KAZN: variants seen among roughly 807,000 people sequenced by gnomAD.
KAZN encodes kazrin, periplakin interacting protein.
KAZN carries 40 observed loss-of-function variants against 87.4 expected under a neutral mutation model. That is an observed-to-expected ratio of 0.46 (90% CI 0.36 to 0.60). KAZN has a LOEUF of 0.60. Ranked by LOEUF, KAZN falls within the 20% of genes least tolerant of loss-of-function variation. KAZN has a pLI of 0.00. For synonymous variants in KAZN, 466 were observed against 458.3 expected (o/e 1.02, Z -0.22); for missense variants, 898 against 1,073.9 (o/e 0.84, Z 2.29).
intron 2 of KAZN, among the ~76,000 whole-genome samples, chr1:14,466,764 G>T (rs12057456): frequency 4.9e-4 from 75 of 151,902 alleles, no homozygotes; most frequent in Middle Eastern, 3.4e-3. Context: ...GTCAGGAGAT[G>T]GAGACCATCC....
At chr1:14,854,624 C>T (rs901802836) in intron 1 of KAZN, among the ~76,000 whole-genome samples, 1 of 152,140 alleles carries the variant, frequency 6.6e-6, no homozygotes, top group Non-Finnish European at 1.5e-5. Flanking sequence ...AATCCAGTCT[C>T]ACCAGAGTGA....
intron 1 of KAZN, among the ~76,000 whole-genome samples, chr1:13,909,491 A>T (rs2100863246): frequency 6.6e-6 from 1 of 152,118 alleles, no homozygotes; most frequent in Non-Finnish European, 1.5e-5. Flanking sequence ...ATCTGCCTGG[A>T]TATGTTCTAT....
chr1:14,125,930 C>T (rs1301712228), intron 1 of KAZN, among the ~76,000 whole-genome samples: 3 of 129,928 alleles, frequency 2.3e-5, no homozygotes, highest in East Asian at 2.3e-4. Flanking sequence ...ACTGCAGCCT[C>T]CGTCAGTAAG....
At chr1:14,421,978 C>T (rs768989599) in intron 2 of KAZN, among the ~76,000 whole-genome samples, 9 of 152,198 alleles carry the variant, frequency 5.9e-5, no homozygotes, top group Non-Finnish European at 8.8e-5. Context: ...TCATCTTCCA[C>T]GCCAATGTCA....
chr1:14,468,516 A>C (rs1668282715), intron 2 of KAZN, among the ~76,000 whole-genome samples: 1 of 152,168 alleles, frequency 6.6e-6, no homozygotes, highest in Admixed American at 6.5e-5. Context: ...ACAGTCCCAG[A>C]ACCTAGGGTC....
At chr1:15,008,626 G>A (rs1190489760) in intron 2 of KAZN, among the ~76,000 whole-genome samples, 1 of 152,184 alleles carries the variant, frequency 6.6e-6, no homozygotes, top group Admixed American at 6.5e-5. Context: ...TATGTGACCT[G>A]CACAGGTGCC....
chr1:14,853,272 G>C (rs569969183), intron 1 of KAZN, among the ~76,000 whole-genome samples: 7 of 152,278 alleles, frequency 4.6e-5, no homozygotes, highest in Admixed American at 4.6e-4. Flanking sequence ...CCAGGGCAGA[G>C]GGGCACAGAG....
intron 1 of KAZN, among the ~76,000 whole-genome samples, chr1:14,010,076 C>A (rs116249945): frequency 1.8e-4 from 28 of 152,312 alleles, no homozygotes; most frequent in Non-Finnish European, 3.8e-4. Flanking sequence ...TCAGTATCAT[C>A]TGTGCTATTA....
chr1:15,103,393 A>T lies in KAZN; in HGVS notation c.1814A>T (p.Gln605Leu). ...LQERRARCET[Q>L]NIDPVVWTNQ... ...GAGCGCCGGGCCCGCTGCGAGACGCAGAACATTGACCCCGTGGTGTGGACC... is the reference window on the plus strand; with the variant it reads ...GAGCGCCGGGCCCGCTGCGAGACGCTGAACATTGACCCCGTGGTGTGGACC... Residue 605 changes from glutamine to leucine, a missense_variant, in exon 12 of 15, where the codon CAG becomes CTG. Gln to Leu is a moderately radical substitution (Grantham distance 113, BLOSUM62 -2). Around this residue, in one of 3 missense-constraint regions of KAZN, gnomAD observed 521 missense variants for 689.4 expected, o/e 0.76. Coordinates refer to ENST00000376030, the MANE Select transcript of KAZN (RefSeq NM_201628.3). 6.4e-7 allele frequency: 1 copy of T among 1,552,212 alleles called. No homozygotes were observed. The highest frequency in any genetic ancestry group is 8.7e-7 in the Non-Finnish European group (1 of 1,147,272).
At chr1:14,154,497 G>C (rs759397657) in intron 1 of KAZN, among the ~76,000 whole-genome samples, 1 of 151,708 alleles carries the variant, frequency 6.6e-6, no homozygotes, top group Non-Finnish European at 1.5e-5. Flanking sequence ...TTTCTTTCTT[G>C]TCTGATTGCT....
Position 14,740,003 on chromosome 1 carries a change from G to A in KAZN, c.226+140780G>A, listed in dbSNP as rs533000829. On this transcript the variant is annotated intron_variant, in intron 1 of 14. Coordinates refer to ENST00000376030, the MANE Select transcript of KAZN (RefSeq NM_201628.3). Reference sequence around the variant, plus strand: ...GCATTTGCTGAGCAGTTGAGAACGGGGGAAAGAAGGAGTCCTTTCCTTTCT... The same window carrying A: ...GCATTTGCTGAGCAGTTGAGAACGGAGGAAAGAAGGAGTCCTTTCCTTTCT... Among the ~76,000 whole-genome samples, 10 of 152,262 alleles carry A rather than the reference G, an allele frequency of 6.6e-5. No individual in the cohort carries two copies. In the South Asian group the frequency reaches 2.1e-3, roughly 32 times the overall value.
At chr1:15,076,899 A>C (rs932747412) in intron 8 of KAZN, among the ~76,000 whole-genome samples, 1 of 152,206 alleles carries the variant, frequency 6.6e-6, no homozygotes, top group South Asian at 2.1e-4. Context: ...GGGCTCTCTC[A>C]GTTGCCAGCA....
chr1:14,245,422 A>G (rs1307423803), intron 2 of KAZN, among the ~76,000 whole-genome samples: 1 of 152,120 alleles, frequency 6.6e-6, no homozygotes, highest in Middle Eastern at 3.2e-3. Flanking sequence ...ATGGGGAGCT[A>G]TATCATAATT....
At chr1:14,539,453 G>A (rs994921116) in intron 2 of KAZN, among the ~76,000 whole-genome samples, 10 of 152,200 alleles carry the variant, frequency 6.6e-5, no homozygotes, top group Non-Finnish European at 1.5e-4. Flanking sequence ...GAATTTCTTA[G>A]TTTTGACAAA....
At chr1:14,174,232 G>A (rs1020856300) in intron 1 of KAZN, among the ~76,000 whole-genome samples, 1 of 152,160 alleles carries the variant, frequency 6.6e-6, no homozygotes, top group South Asian at 2.1e-4. Flanking sequence ...TGCTTTGACC[G>A]GCTGGCAAGA....
intron 1 of KAZN, among the ~76,000 whole-genome samples, chr1:14,659,505 C>T (rs1056868585): frequency 6.6e-6 from 1 of 152,164 alleles, no homozygotes; most frequent in African/African-American, 2.4e-5. Context: ...AGTTCCTTTT[C>T]CTTTGCTATC....
chr1:14,429,974 C>T (rs1410755206), intron 2 of KAZN, among the ~76,000 whole-genome samples: 1 of 152,094 alleles, frequency 6.6e-6, no homozygotes, highest in East Asian at 1.9e-4. Context: ...CTTCCCCCAT[C>T]CCTCTCCCGA....
At chr1:14,870,177 C>G (rs4661308) in intron 1 of KAZN, among the ~76,000 whole-genome samples, 71,963 of 151,902 alleles carry the variant, frequency 0.47, 17,168 homozygotes, top group Non-Finnish European at 0.5. Context: ...GAGTCTAGGG[C>G]CTGGATACTG....
At chr1:15,033,713 G>A (rs1354896846) in intron 2 of KAZN, among the ~76,000 whole-genome samples, 1 of 152,162 alleles carries the variant, frequency 6.6e-6, no homozygotes, top group African/African-American at 2.4e-5. Context: ...TCTTGGAGAA[G>A]TGTCTGTTCA....
Sources: gnomAD v4.1 joint callset for allele counts (sites outside exome capture counted in the v4.1 genomes callset) on GRCh38, gnomAD v4.1.1 for gene constraint, gnomAD v4.1.1 regional missense constraint, MANE v1.5 for transcripts, NCBI Gene and HGNC (gene_info 2026-07-23, HGNC 2026-07-21) for gene names.